The following PCDHA9 variants were observed in gnomAD, a reference collection of about 807,000 sequenced individuals.
The protein encoded by PCDHA9 is protocadherin alpha 9, also known as protocadherin alpha-9.
PCDHA9 carries 62 observed loss-of-function variants against 62.0 expected under a neutral mutation model. The ratio of observed to expected loss-of-function variants is 1.00; its 90% CI spans 0.81 to 1.23. The LOEUF (loss-of-function observed/expected upper bound fraction) is 1.23, where lower values mean the gene tolerates loss of function less well. PCDHA9 is among the 50% of genes most tolerant of loss of function. The pLI is 0.00. For missense variants in PCDHA9, 1,205 were observed against 1,249.8 expected, an observed-to-expected ratio of 0.96 and a Z score of 0.54; for synonymous variants, 557 against 567.6, an observed-to-expected ratio of 0.98 and a Z score of 0.27.
intron 1 of PCDHA9, among the ~76,000 whole-genome samples, chr5:140,916,270 G>A (rs1487301756): frequency 1.3e-5 from 2 of 152,180 alleles, no homozygotes; most frequent in Admixed American, 1.3e-4. Flanking sequence ...GAGCATGCTT[G>A]TTGCTCTACT....
intron 1 of PCDHA9, among the ~76,000 whole-genome samples, chr5:140,918,702 G>A (rs2078814490): frequency 6.6e-6 from 1 of 152,150 alleles, no homozygotes; most frequent in Non-Finnish European, 1.5e-5. Flanking sequence ...ATTAAGTCAT[G>A]AGGGCAGAGC....
intron 1 of PCDHA9, chr5:140,869,050 A>T: frequency 1.3e-6 from 2 of 1,533,074 alleles, no homozygotes; most frequent in South Asian, 2.6e-5. Context: ...GAAACTGAAG[A>T]ATCTGGTACT....
At chr5:141,006,403 C>T (rs2098271999) in intron 3 of PCDHA9, among the ~76,000 whole-genome samples, 1 of 151,934 alleles carries the variant, frequency 6.6e-6, no homozygotes, top group Non-Finnish European at 1.5e-5. Context: ...TTAGTAGAGA[C>T]GCGGTTTCAC....
chr5:140,880,407 C>T (rs1198132829), intron 1 of PCDHA9, among the ~76,000 whole-genome samples: 1 of 152,128 alleles, frequency 6.6e-6, no homozygotes, highest in Non-Finnish European at 1.5e-5. Context: ...ATATGGTTGA[C>T]CTTAAAAGCG....
Position 141,009,816 on chromosome 5 carries a change from G to A in PCDHA9, c.2732G>A (p.Ser911Asn). ...QEPTNSQIDK[S>N]DFITFGKKEE... Reference sequence around the variant, plus strand: ...CCTACTAACAGCCAAATTGACAAAAGTGACTTCATAACCTTCGGCAAAAAG... The same window carrying A: ...CCTACTAACAGCCAAATTGACAAAAATGACTTCATAACCTTCGGCAAAAAG... Residue 911 changes from serine to asparagine, a missense_variant, in exon 4 of 4, where the codon AGT (serine) becomes AAT (asparagine). Ser to Asn is a conservative substitution (Grantham distance 46). This residue lies in a region of PCDHA9 where 887 missense variants were observed against 809.5 expected (regional missense o/e 1.10). Transcript: ENST00000532602. 1 of 1,614,044 alleles carries A rather than the reference G, an allele frequency of 6.2e-7. No homozygotes were observed. Among genetic ancestry groups the A allele is most frequent in the African/African-American group, 1.3e-5 (1 of 74,990 alleles).
At chr5:140,884,556 G>T in intron 1 of PCDHA9, 1 of 1,614,154 alleles carries the variant, frequency 6.2e-7, no homozygotes, top group Non-Finnish European at 8.5e-7. Context: ...TCTGGGGAGG[G>T]CCCGCATAAG....
chr5:140,966,435 C>G (rs1554228292), intron 1 of PCDHA9: 5 of 423,758 alleles, frequency 1.2e-5, no homozygotes, highest in African/African-American at 1.0e-4. Context: ...GCCCTCCTAC[C>G]GCTCCCTTTC....
intron 1 of PCDHA9, chr5:140,868,892 A>G (rs1450985948): frequency 3.9e-6 from 3 of 760,982 alleles, no homozygotes; most frequent in Non-Finnish European, 4.1e-6. Context: ...TTTTAGGCGC[A>G]AGGTGTCGCT....
At chr5:140,996,884 A>T (rs1411027110) in intron 3 of PCDHA9, among the ~76,000 whole-genome samples, 1 of 152,186 alleles carries the variant, frequency 6.6e-6, no homozygotes, top group African/African-American at 2.4e-5. Flanking sequence ...TGTATTTTTA[A>T]ATAAAATAGA....
intron 1 of PCDHA9, 187 bp downstream of exon 1, chr5:140,851,076 A>G: frequency 7.5e-7 from 1 of 1,337,516 alleles, no homozygotes; most frequent in Non-Finnish European, 9.8e-7. Flanking sequence ...AGAATTATAA[A>G]CTGTATATTA....
At chr5:140,983,392 C>T (rs1190599444) in intron 3 of PCDHA9, among the ~76,000 whole-genome samples, 2 of 152,150 alleles carry the variant, frequency 1.3e-5, no homozygotes, top group African/African-American at 2.4e-5. Context: ...TGGCAGTTTT[C>T]AGAAAGGGAA....
chr5:140,877,415 T>A (rs1554169714), intron 1 of PCDHA9: 3 of 1,613,882 alleles, frequency 1.9e-6, no homozygotes, highest in Non-Finnish European at 2.5e-6. Flanking sequence ...CACCGCCTGC[T>A]GGTGCTGGTG....
In PCDHA9 at chr5:140,849,498, A is replaced by T. The variant is rs1347480492; in HGVS notation, c.1003A>T (p.Thr335Ser). Residue 335 changes from threonine to serine, a missense_variant, in exon 1 of 4, where the codon ACA becomes TCA. This residue lies in a region of PCDHA9 where 110 missense variants were observed against 227.2 expected (regional missense o/e 0.48). Transcript: ENST00000532602. Reference sequence around the variant, plus strand: ...CTTCCCACCCCTGGCTGGTCATTGTACACTTCTTGTGGAAGTTGTGGATGT... The same window carrying T: ...CTTCCCACCCCTGGCTGGTCATTGTTCACTTCTTGTGGAAGTTGTGGATGT... Reference protein sequence around the residue: ...KGFPPLAGHCTLLVEVVDVND... With the variant: ...KGFPPLAGHCSLLVEVVDVND... 6.9e-6 allele frequency: 11 copies of T among 1,593,514 alleles called. 1 individual carries two copies. The highest frequency in any genetic ancestry group is 9.4e-6 in the Non-Finnish European group (11 of 1,165,148).
At chr5:140,924,901 AAAAATAAAAT>A (rs10667761) in intron 1 of PCDHA9, among the ~76,000 whole-genome samples, 1,500 of 80,408 alleles carry the variant, frequency 0.019, 14 homozygotes, top group African/African-American at 0.052. Context: ...TCTCAAAAAA[AAAAATAAAAT>A]AAAATAAAAT....
intron 3 of PCDHA9, among the ~76,000 whole-genome samples, chr5:140,993,092 G>A (rs1441562927): frequency 6.6e-6 from 1 of 152,222 alleles, no homozygotes; most frequent in East Asian, 1.9e-4. Flanking sequence ...GCAGGGCTAT[G>A]TTTATTCAGC....
chr5:140,904,716 G>T, intron 1 of PCDHA9, among the ~76,000 whole-genome samples: 1 of 151,886 alleles, frequency 6.6e-6, no homozygotes. Context: ...ACCACATTCT[G>T]GCCAACATCT....
At position 140,850,140 on chromosome 5, in the gene PCDHA9, G is replaced by C. The variant is rs2150469344; in HGVS notation, c.1645G>C (p.Val549Leu). 1.3e-6 allele frequency: 2 copies of C among 1,595,708 alleles called. No homozygotes were observed. The highest frequency in any genetic ancestry group is 2.2e-5 in the East Asian group (1 of 44,838). Reference protein sequence around the residue: ...DAGVPPLGSNVTLQVFVLDEN... With the variant: ...DAGVPPLGSNLTLQVFVLDEN... Reference sequence around the variant, plus strand: ...GGGCGTGCCGCCTCTGGGCAGCAACGTGACGCTGCAGGTGTTCGTGCTGGA... The same window carrying C: ...GGGCGTGCCGCCTCTGGGCAGCAACCTGACGCTGCAGGTGTTCGTGCTGGA... The change falls in exon 1 of 4, where the codon GTG becomes CTG. Residue 549 changes from valine to leucine, a missense_variant. Around this residue, in one of 3 missense-constraint regions of PCDHA9, gnomAD observed 887 missense variants for 809.5 expected, o/e 1.10. Transcript: ENST00000532602.
At chr5:140,883,655 T>A (rs782178754) in intron 1 of PCDHA9, 7 of 1,613,000 alleles carry the variant, frequency 4.3e-6, no homozygotes, top group African/African-American at 1.3e-5. Context: ...GTACACGGTG[T>A]TCGTGAAGGA....
chr5:140,928,148 A>G (rs1228039818), intron 1 of PCDHA9: 1 of 1,614,054 alleles, frequency 6.2e-7, no homozygotes, highest in African/African-American at 1.3e-5. Context: ...ACGGCCTCAG[A>G]TAGTGGCTCA....
Sources: allele counts gnomAD v4.1 joint callset (sites outside exome capture counted in the v4.1 genomes callset), GRCh38; gene constraint gnomAD v4.1.1; regional missense constraint gnomAD v4.1.1; transcripts MANE v1.5; gene names NCBI Gene and HGNC (gene_info 2026-07-23, HGNC 2026-07-21).